TXNRD1: variants seen among roughly 807,000 people sequenced by gnomAD.
The protein encoded by TXNRD1 is thioredoxin reductase 1, cytoplasmic.
Under a neutral mutation model 80.3 loss-of-function variants are expected in TXNRD1, and 57 were observed. That is an observed-to-expected ratio of 0.71 (90% CI 0.57 to 0.89). The LOEUF (loss-of-function observed/expected upper bound fraction) is 0.89. Ranked by LOEUF, TXNRD1 falls within the 40% of genes least tolerant of loss-of-function variation. The pLI, the probability that TXNRD1 is intolerant of heterozygous loss-of-function variation, is 0.00. For missense variants in TXNRD1, 730 were observed against 803.0 expected, an observed-to-expected ratio of 0.91 and a Z score of 1.10; for synonymous variants, 291 against 285.2, an observed-to-expected ratio of 1.02 and a Z score of -0.20.
chr12:104,288,528 A>G (rs904815961), intron 3 of TXNRD1, among the ~76,000 whole-genome samples: 29 of 152,374 alleles, frequency 1.9e-4, no homozygotes, highest in African/African-American at 6.7e-4. Flanking sequence ...CAGAGTTGAA[A>G]GCAAGATCAA....
rs1295873617 is a variant in TXNRD1 at position 104,319,591 on chromosome 12, G to A, written c.989+6G>A. The A allele has an allele frequency of 6.3e-7, 1 of 1,576,506 alleles. No individual in the cohort carries two copies. The highest frequency in any genetic ancestry group is 8.6e-7 in the Non-Finnish European group (1 of 1,159,364). ...AAAGAATACTGCATCAGCAGGTAAAGGAAAAAAGCAGGGTGGAAAAGAAAA... is the reference window on the plus strand; with the variant it reads ...AAAGAATACTGCATCAGCAGGTAAAAGAAAAAAGCAGGGTGGAAAAGAAAA... On this transcript the variant is annotated splice_donor_region_variant and intron_variant, in intron 9 of 16. Coordinates refer to ENST00000525566, the MANE Select transcript of TXNRD1 (RefSeq NM_001093771.3).
rs182262963 is a variant in TXNRD1, at chr12:104,335,828, T to A, written c.1746+1496T>A. 3.9e-4 allele frequency among the ~76,000 whole-genome samples: 60 copies of A among 152,358 alleles called. 1 individual carries two copies. Among genetic ancestry groups the A allele is most frequent in the African/African-American group, 1.3e-3 (52 of 41,586 alleles). ...TTGAATATAATTAAGCCATGTATCC[T>A]ATTTGGAAACTACTGCTTTAGGCAG... On this transcript the variant is annotated intron_variant, in intron 15 of 16. Coordinates refer to ENST00000525566, the MANE Select transcript of TXNRD1 (RefSeq NM_001093771.3).
intron 1 of TXNRD1, among the ~76,000 whole-genome samples, chr12:104,236,969 C>G (rs982393149): frequency 4.0e-5 from 6 of 150,826 alleles, no homozygotes; most frequent in African/African-American, 1.5e-4. Flanking sequence ...ATGAGAGGCC[C>G]TAAGATAACT....
At chr12:104,326,745 T>C (rs1338100563) in intron 12 of TXNRD1, among the ~76,000 whole-genome samples, 1 of 152,158 alleles carries the variant, frequency 6.6e-6, no homozygotes, top group African/African-American at 2.4e-5. Flanking sequence ...GGATTACATG[T>C]GTGAGCCACT....
intron 4 of TXNRD1, among the ~76,000 whole-genome samples, chr12:104,296,495 C>T (rs1593775197): frequency 1.3e-5 from 2 of 152,256 alleles, no homozygotes; most frequent in Admixed American, 6.5e-5. Context: ...GCAGCCTCAA[C>T]CCCCCTGGGC....
intron 1 of TXNRD1, among the ~76,000 whole-genome samples, chr12:104,243,233 G>T (rs1253852256): frequency 4.6e-5 from 7 of 152,176 alleles, no homozygotes; most frequent in South Asian, 2.1e-4. Context: ...TTCAACACTA[G>T]AAATTCATTA....
Position 104,225,799 on chromosome 12 carries a change from T to G in TXNRD1, c.91+9906T>G, listed in dbSNP as rs2135677942. Among the ~76,000 whole-genome samples the G allele has an allele frequency of 2.0e-5, 3 of 151,834 alleles. No individual in the cohort carries two copies. The Middle Eastern group carries it at 0.01, about 520-fold the overall frequency. On this transcript the variant is annotated intron_variant, in intron 1 of 16. Coordinates refer to ENST00000525566, the MANE Select transcript of TXNRD1 (RefSeq NM_001093771.3). Reference sequence around the variant, plus strand: ...GAATGGACTAATACACCTGGATTCCTCCATCCCTTCATAAGACCTGAACAG... The same window carrying G: ...GAATGGACTAATACACCTGGATTCCGCCATCCCTTCATAAGACCTGAACAG...
chr12:104,236,666 G>C (rs901887049), intron 1 of TXNRD1, among the ~76,000 whole-genome samples: 4 of 151,796 alleles, frequency 2.6e-5, no homozygotes, highest in Non-Finnish European at 4.4e-5. Flanking sequence ...GTGCATGCCT[G>C]TAATCCCAGC....
intron 3 of TXNRD1, among the ~76,000 whole-genome samples, chr12:104,259,026 A>G (rs527707376): frequency 1.3e-5 from 2 of 152,208 alleles, no homozygotes; most frequent in South Asian, 2.1e-4. Context: ...CTTCATGCCT[A>G]GTAGCTTTAA....
At chr12:104,257,950 G>C in intron 2 of TXNRD1, 69 bp from the exon 3 acceptor site, 1 of 1,223,750 alleles carries the variant, frequency 8.2e-7, no homozygotes. Flanking sequence ...AACAAAGCTG[G>C]ATAAGAGATT....
intron 3 of TXNRD1, among the ~76,000 whole-genome samples, chr12:104,268,365 A>T (rs868756899): frequency 6.7e-6 from 1 of 148,642 alleles, no homozygotes; most frequent in South Asian, 2.1e-4. Flanking sequence ...CAAAAAAAAA[A>T]CCCACCCATA....
intron 3 of TXNRD1, chr12:104,287,412 C>T (rs761521554): frequency 8.1e-6 from 13 of 1,613,702 alleles, no homozygotes; most frequent in South Asian, 2.2e-5. Flanking sequence ...AGACAGTTTG[C>T]AGAACAGCGG....
At chr12:104,338,693 A>G (rs943023982) in intron 15 of TXNRD1, among the ~76,000 whole-genome samples, 25 of 150,980 alleles carry the variant, frequency 1.7e-4, no homozygotes, top group Non-Finnish European at 2.8e-4. Flanking sequence ...GCAATACTCC[A>G]TCTCAAAAAA....
At chr12:104,274,222 A>G (rs1341285898) in intron 3 of TXNRD1, among the ~76,000 whole-genome samples, 2 of 152,124 alleles carry the variant, frequency 1.3e-5, no homozygotes, top group Non-Finnish European at 2.9e-5. Flanking sequence ...CAGGGCCTAG[A>G]GCATTAGAAA....
chr12:104,251,847 C>G (rs2033124954), intron 2 of TXNRD1, among the ~76,000 whole-genome samples, 169 bp downstream of exon 2: 1 of 152,074 alleles, frequency 6.6e-6, no homozygotes, highest in African/African-American at 2.4e-5. Context: ...GAGTGGATCA[C>G]AAGGTCAAGA....
intron 16 of TXNRD1, among the ~76,000 whole-genome samples, chr12:104,347,823 T>A (rs1199628160): frequency 6.6e-6 from 1 of 152,204 alleles, no homozygotes; most frequent in Non-Finnish European, 1.5e-5. Flanking sequence ...ATTAGCTATT[T>A]GTATCCATAT....
chr12:104,261,529 T>A (rs1018395190), intron 3 of TXNRD1, among the ~76,000 whole-genome samples: 2 of 152,194 alleles, frequency 1.3e-5, no homozygotes, highest in Non-Finnish European at 2.9e-5. Flanking sequence ...TTATCTTTTT[T>A]AAATGTGTGT....
intron 10 of TXNRD1, among the ~76,000 whole-genome samples, chr12:104,323,218 C>T (rs1427848496): frequency 1.2e-5 from 1 of 85,210 alleles, no homozygotes; most frequent in South Asian, 4.4e-4. Flanking sequence ...TACACAGACA[C>T]GGCAACCATC....
chr12:104,267,688 TCTTTCTTTCTTTCTC>T (rs2033548463), intron 3 of TXNRD1, among the ~76,000 whole-genome samples: 1 of 39,376 alleles, frequency 2.5e-5, no homozygotes, highest in African/African-American at 7.8e-5. Flanking sequence ...TTTCTTTCTT[TCTTTCTTTCTTTCTC>T]TCTTTCTTTC....
Sources: allele counts gnomAD v4.1 joint callset (sites outside exome capture counted in the v4.1 genomes callset), GRCh38; gene constraint gnomAD v4.1.1; transcripts MANE v1.5; gene names NCBI Gene and HGNC (gene_info 2026-07-23, HGNC 2026-07-21).